BCL7C: variants seen among roughly 807,000 people sequenced by gnomAD.
BCL7C encodes BAF chromatin remodeling complex subunit BCL7C.
A neutral mutation model predicts 26.2 loss-of-function variants in BCL7C; 8 were observed. The ratio of observed to expected loss-of-function variants is 0.30; its 90% confidence interval spans 0.18 to 0.55. The LOEUF (loss-of-function observed/expected upper bound fraction) is 0.55. BCL7C is among the 20% of genes least tolerant of loss of function. The pLI is 0.93. For missense variants in BCL7C, 262 were observed against 298.5 expected, an observed-to-expected ratio of 0.88 and a Z score of 0.90; for synonymous variants, 90 against 116.5, an observed-to-expected ratio of 0.77 and a Z score of 1.47.
intron 5 of BCL7C, among the ~76,000 whole-genome samples, chr16:30,842,694 G>A (rs1194560941): frequency 6.6e-6 from 1 of 151,790 alleles, no homozygotes; most frequent in Non-Finnish European, 1.5e-5. Flanking sequence ...TCAGCCTCCC[G>A]AGTAGCTGGG....
intron 5 of BCL7C, among the ~76,000 whole-genome samples, chr16:30,840,508 G>T (rs2054595554): frequency 6.6e-6 from 1 of 152,152 alleles, no homozygotes; most frequent in South Asian, 2.1e-4. Flanking sequence ...GTAAGCCACT[G>T]CACCCAGCCA....
chr16:30,835,792 G>A (rs2054565713), intron 5 of BCL7C, among the ~76,000 whole-genome samples: 1 of 151,940 alleles, frequency 6.6e-6, no homozygotes, highest in African/African-American at 2.4e-5. Context: ...GTTGCAGTGA[G>A]CCGAGATCGC....
chr16:30,846,608 C>T (rs1392151161), intron 5 of BCL7C, among the ~76,000 whole-genome samples: 6 of 152,150 alleles, frequency 3.9e-5, no homozygotes, highest in Admixed American at 2.0e-4. Context: ...TTGTCTTTAG[C>T]TCTCATTAAC....
intron 5 of BCL7C, among the ~76,000 whole-genome samples, chr16:30,843,123 G>C (rs1305734483): frequency 6.6e-6 from 1 of 152,170 alleles, no homozygotes; most frequent in African/African-American, 2.4e-5. Flanking sequence ...TCTCATTCCA[G>C]ACATAGCAAA....
Position 30,834,749 on chromosome 16 carries a change from C to A in BCL7C, c.*199G>T. On this transcript the variant is annotated 3_prime_UTR_variant, in exon 6 of 6. Coordinates refer to the BCL7C transcript ENST00000380317. The surrounding 1 kb of genome is among the most constrained non-coding windows in gnomAD (Gnocchi z 4.3). ...GGTCCGAGTTCTGCCCTAAGCCCTT[C>A]CCATGCATTCGGGCGCCAGTGGCGA... The A allele has an allele frequency of 1.8e-6, 1 of 553,702 alleles. No homozygotes were observed. Among genetic ancestry groups the A allele is most frequent in the Non-Finnish European group, 3.1e-6 (1 of 318,070 alleles). 34.3% of individuals were successfully genotyped at this position (553,702 alleles called of 1,614,324 possible).
In BCL7C at chr16:30,857,972, CAA is replaced by C. The variant is rs58563705; in HGVS notation, c.529-22826_529-22825del. On this transcript the variant is annotated intron_variant, in intron 5 of 5. Transcript: ENST00000380317. Reference sequence around the variant, plus strand: ...AGTGACAAGAGCGAAACTCCAACTCCAAAAAAAAAAAAAAAAAGAAAGAAAGA... The same window carrying C: ...AGTGACAAGAGCGAAACTCCAACTCCAAAAAAAAAAAAAAAGAAAGAAAGA... Among the ~76,000 whole-genome samples, 238 of 115,948 alleles carry C rather than the reference CAA, an allele frequency of 2.1e-3. 1 individual carries two copies. The highest frequency in any genetic ancestry group is 4.0e-3 in the East Asian group (16 of 4,038). The allele number at this position is 115,948 out of a possible 152,430, so 76.1% of individuals were successfully genotyped here. A position where few individuals can be genotyped will look rare whatever the true frequency, so the allele number is the denominator to read the frequency against.
chr16:30,860,644 T>G (rs2054763352), intron 5 of BCL7C, among the ~76,000 whole-genome samples: 1 of 152,188 alleles, frequency 6.6e-6, no homozygotes. Flanking sequence ...ATCTAGATAA[T>G]GCTTGTTGTA....
At position 30,862,534 on chromosome 16, in the gene BCL7C, C is replaced by T. The variant is rs2054785993; in HGVS notation, c.528+26326G>A. Among the ~76,000 whole-genome samples, 3 of 151,884 alleles carry T rather than the reference C, an allele frequency of 2.0e-5. No individual in the cohort carries two copies. In the South Asian group the frequency reaches 6.2e-4, roughly 32 times the overall value. ...TAACGACCTTCTACTTTGTAGTTCC[C>T]CCTACAAATCCTCCCAACAGGACAC... On this transcript the variant is annotated intron_variant, in intron 5 of 5. Transcript: ENST00000380317.
rs139915677 is a variant in BCL7C, at chr16:30,843,679, C to A, written c.529-8531G>T. ...TGGATCTCAAGCACCACACAGTAGACCAGCATGTGATGTAATGCAGCCTGG... is the reference window on the plus strand; with the variant it reads ...TGGATCTCAAGCACCACACAGTAGAACAGCATGTGATGTAATGCAGCCTGG... On this transcript the variant is annotated intron_variant, in intron 5 of 5. Coordinates refer to the BCL7C transcript ENST00000380317. Among the ~76,000 whole-genome samples the A allele has an allele frequency of 2.2e-3, 341 of 152,148 alleles. 3 individuals are homozygous for A. Among genetic ancestry groups the A allele is most frequent in the African/African-American group, 7.9e-3 (328 of 41,522 alleles).
intron 5 of BCL7C, among the ~76,000 whole-genome samples, chr16:30,853,457 C>T (rs1238947496): frequency 1.3e-5 from 2 of 152,136 alleles, no homozygotes; most frequent in Non-Finnish European, 1.5e-5. Flanking sequence ...CTTCTGGAAT[C>T]CCTCCTGTAG....
chr16:30,856,456 A>AC (rs2054723104), intron 5 of BCL7C, among the ~76,000 whole-genome samples: 1 of 151,540 alleles, frequency 6.6e-6, no homozygotes, highest in Admixed American at 6.6e-5. Flanking sequence ...AAAAAAAAAA[A>AC]AAAAGTGTGG....
At chr16:30,885,478 C>T (rs947770986), downstream of BCL7C, among the ~76,000 whole-genome samples, 4 of 150,642 alleles carry the variant, frequency 2.7e-5, no homozygotes, top group Admixed American at 6.6e-5. Context: ...GGTGCGATCT[C>T]GGCTTACTGC....
chr16:30,883,858 G>A (rs1004681315), downstream of BCL7C, among the ~76,000 whole-genome samples: 20 of 147,172 alleles, frequency 1.4e-4, no homozygotes, highest in South Asian at 8.9e-4. Context: ...GGGCGCAGTG[G>A]CTCAGGCCTG....
At chr16:30,859,687 T>C (rs1350228506) in intron 5 of BCL7C, among the ~76,000 whole-genome samples, 4 of 152,174 alleles carry the variant, frequency 2.6e-5, no homozygotes, top group Non-Finnish European at 4.4e-5. Flanking sequence ...AGAAGGTACT[T>C]TGTAATATTC....
downstream of BCL7C, among the ~76,000 whole-genome samples, chr16:30,885,286 A>T (rs1490375987): frequency 6.6e-6 from 1 of 152,200 alleles, no homozygotes; most frequent in Non-Finnish European, 1.5e-5. Flanking sequence ...AGCCTCTAGA[A>T]GCCGGAAAAG....
chr16:30,863,858 T>C (rs1386777046), intron 5 of BCL7C, among the ~76,000 whole-genome samples: 3 of 152,284 alleles, frequency 2.0e-5, no homozygotes, highest in Admixed American at 1.3e-4. Flanking sequence ...TGAAAATCTA[T>C]CCCCAATCCG....
chr16:30,848,004 A>T (rs2054646799), intron 5 of BCL7C, among the ~76,000 whole-genome samples: 1 of 151,862 alleles, frequency 6.6e-6, no homozygotes, highest in Non-Finnish European at 1.5e-5. Flanking sequence ...AGATAAGGCC[A>T]AATTCATTGA....
chr16:30,841,227 C>G (rs1167406713), intron 5 of BCL7C, among the ~76,000 whole-genome samples: 4 of 152,150 alleles, frequency 2.6e-5, no homozygotes, highest in Non-Finnish European at 5.9e-5. Flanking sequence ...TTGTTCAATA[C>G]TGGGTGTTGT....
intron 5 of BCL7C, among the ~76,000 whole-genome samples, chr16:30,857,197 T>C (rs951195611): frequency 1.3e-5 from 2 of 151,912 alleles, no homozygotes; most frequent in Non-Finnish European, 1.5e-5. Context: ...AAGACCAGCC[T>C]GGCCAACATG....
Sources: gnomAD v4.1 joint callset for allele counts (sites outside exome capture counted in the v4.1 genomes callset) on GRCh38, gnomAD v4.1.1 for gene constraint, Gnocchi (gnomAD v3.1) non-coding constraint, MANE v1.5 for transcripts, NCBI Gene and HGNC (gene_info 2026-07-23, HGNC 2026-07-21) for gene names.